Variants in MSH3 observed in about 807,000 individuals in gnomAD.
MSH3 encodes the protein DNA mismatch repair protein Msh3.
MSH3 carries 106 observed loss-of-function variants against 123.3 expected under a neutral mutation model. That is an observed-to-expected ratio of 0.86 (90% CI 0.73 to 1.01). The LOEUF is 1.01. Among genes scored for constraint, MSH3 ranks in the 50% least tolerant of loss-of-function variants. MSH3 has a pLI of 0.00. For synonymous variants in MSH3, 515 were observed against 481.4 expected, an observed-to-expected ratio of 1.07 and a Z score of -0.91; for missense variants, 1,459 against 1,347.6, an observed-to-expected ratio of 1.08 and a Z score of -1.29.
chr5:80,832,914 A>G (rs1035448732), intron 20 of MSH3, among the ~76,000 whole-genome samples: 1 of 152,106 alleles, frequency 6.6e-6, no homozygotes, highest in South Asian at 2.1e-4. Context: ...TTTCCTTGCA[A>G]AAGGCCCAGA....
intron 12 of MSH3, among the ~76,000 whole-genome samples, chr5:80,753,380 G>A (rs972373811): frequency 2.6e-5 from 4 of 152,122 alleles, no homozygotes; most frequent in Non-Finnish European, 4.4e-5. Flanking sequence ...TGTAGCTACC[G>A]TCAGGAATGT....
intron 8 of MSH3, among the ~76,000 whole-genome samples, chr5:80,681,630 CTT>C (rs1749970699): frequency 1.3e-5 from 2 of 150,636 alleles, no homozygotes; most frequent in African/African-American, 4.9e-5. Flanking sequence ...ATTTTATTAA[CTT>C]AGTATATATT....
chr5:80,656,265 G>T, intron 1 of MSH3, 146 bp from the exon 2 acceptor site: 1 of 1,069,952 alleles, frequency 9.3e-7, no homozygotes, highest in Middle Eastern at 3.0e-4. Flanking sequence ...CACCCATAGG[G>T]TTTTCCAGAG....
At chr5:80,722,483 A>G (rs1160934047) in intron 8 of MSH3, among the ~76,000 whole-genome samples, 5 of 152,180 alleles carry the variant, frequency 3.3e-5, no homozygotes, top group Admixed American at 6.5e-5. Flanking sequence ...ACTCTTTCCT[A>G]TCATCTACTA....
chr5:80,842,532 A>T (rs924282634), intron 20 of MSH3, among the ~76,000 whole-genome samples: 1 of 152,058 alleles, frequency 6.6e-6, no homozygotes, highest in Non-Finnish European at 1.5e-5. Flanking sequence ...GATTCTTCCT[A>T]TCCATGAGCA....
At chr5:80,783,930 G>A (rs1049095719) in intron 17 of MSH3, among the ~76,000 whole-genome samples, 18 of 152,046 alleles carry the variant, frequency 1.2e-4, no homozygotes, top group African/African-American at 4.1e-4. Context: ...CAGAGCCATG[G>A]CTGACGCAGT....
At chr5:80,874,529 A>C (rs534087493) in intron 23 of MSH3, among the ~76,000 whole-genome samples, 1 of 152,304 alleles carries the variant, frequency 6.6e-6, no homozygotes, top group African/African-American at 2.4e-5. Flanking sequence ...TTAAAAATAA[A>C]CTTAGCCCTC....
intron 8 of MSH3, among the ~76,000 whole-genome samples, chr5:80,711,464 C>T (rs552953474): frequency 2.0e-5 from 3 of 152,170 alleles, no homozygotes; most frequent in African/African-American, 7.2e-5. Context: ...CTGTGTCTTC[C>T]TGTTGGCTCA....
intron 22 of MSH3, among the ~76,000 whole-genome samples, chr5:80,872,850 G>A (rs1363918117): frequency 2.0e-5 from 3 of 152,074 alleles, no homozygotes; most frequent in Admixed American, 1.3e-4. Context: ...TAATATAGAC[G>A]TTCAGTTCAA....
At chr5:80,846,726 A>G (rs1047738859) in intron 20 of MSH3, among the ~76,000 whole-genome samples, 2 of 152,236 alleles carry the variant, frequency 1.3e-5, no homozygotes, top group African/African-American at 4.8e-5. Context: ...TGAGCCAGGC[A>G]TGGGAGGGTA....
chr5:80,831,330 A>T (rs1302617483), intron 20 of MSH3, among the ~76,000 whole-genome samples: 1 of 152,160 alleles, frequency 6.6e-6, no homozygotes, highest in Non-Finnish European at 1.5e-5. Context: ...TAAACTCAAA[A>T]TTTTTTAATC....
chr5:80,678,778 A>G, intron 7 of MSH3, 149 bp from the exon 8 acceptor site: 1 of 838,178 alleles, frequency 1.2e-6, no homozygotes, highest in Non-Finnish European at 1.9e-6. Context: ...AGAGTCCTGA[A>G]AAGCAGACAG....
intron 21 of MSH3, among the ~76,000 whole-genome samples, chr5:80,859,139 T>G (rs949368456): frequency 6.6e-6 from 1 of 151,996 alleles, no homozygotes; most frequent in African/African-American, 2.4e-5. Context: ...ATATATATTT[T>G]AGATAGAGTC....
At chr5:80,655,037 G>A (rs1749229684) in intron 1 of MSH3, 73 bp downstream of exon 1, 1 of 926,684 alleles carries the variant, frequency 1.1e-6, no homozygotes, top group Non-Finnish European at 1.5e-6. Context: ...GCGGGCGGAG[G>A]CGGGGACCCT....
chr5:80,868,316 C>T (rs1746139815), intron 22 of MSH3, among the ~76,000 whole-genome samples: 1 of 151,876 alleles, frequency 6.6e-6, no homozygotes, highest in African/African-American at 2.4e-5. Context: ...GACGCATGCA[C>T]ACGTATGTTC....
chr5:80,685,712 T>C lies in MSH3; in HGVS notation c.1340+6619T>C, dbSNP rs1480061685. Among the ~76,000 whole-genome samples, 3 of 152,098 alleles carry C rather than the reference T, an allele frequency of 2.0e-5. No individual in the cohort carries two copies. The East Asian group carries it at 5.8e-4, about 29-fold the overall frequency. The stretch of plus-strand genomic sequence containing the variant: ...ATTAATTTTGGGTTTGGTTTGCTCT[T>C]GCTTTTCTAGTTCTTCAAGGTTTAT... On this transcript the variant is annotated intron_variant, in intron 8 of 23. Coordinates refer to ENST00000265081, the MANE Select transcript of MSH3 (RefSeq NM_002439.5).
intron 3 of MSH3, among the ~76,000 whole-genome samples, chr5:80,666,165 TCCTCCCA>T (rs1244474883): frequency 6.6e-6 from 1 of 152,182 alleles, no homozygotes; most frequent in East Asian, 1.9e-4. Context: ...TCTCAAGCAA[TCCTCCCA>T]CCTTAGCCTG....
chr5:80,672,385 G>A, intron 5 of MSH3, 25 bp downstream of exon 5: 1 of 1,543,518 alleles, frequency 6.5e-7, no homozygotes, highest in Non-Finnish European at 9.0e-7. Context: ...TAACTTGTGG[G>A]GAAAGGAAAT....
At chr5:80,693,503 TTA>T (rs201321944) in intron 8 of MSH3, among the ~76,000 whole-genome samples, 193 of 128,120 alleles carry the variant, frequency 1.5e-3, no homozygotes, top group African/African-American at 5.1e-3. Flanking sequence ...ATGTATATGT[TTA>T]TATAAATATG....
Sources: gnomAD v4.1 joint callset for allele counts (sites outside exome capture counted in the v4.1 genomes callset) on GRCh38, gnomAD v4.1.1 for gene constraint, MANE v1.5 for transcripts, NCBI Gene and HGNC (gene_info 2026-07-23, HGNC 2026-07-21) for gene names.